AGTPBP1: variants seen among roughly 807,000 people sequenced by gnomAD.
AGTPBP1 encodes the protein ATP/GTP binding carboxypeptidase 1.
Under a neutral mutation model 143.9 loss-of-function variants are expected in AGTPBP1, and 70 were observed. That is an observed-to-expected ratio of 0.49 (90% CI 0.40 to 0.59). The LOEUF (loss-of-function observed/expected upper bound fraction) is 0.59. Among genes scored for constraint, AGTPBP1 ranks in the 20% least tolerant of loss-of-function variants. The probability of loss-of-function intolerance (pLI) is 0.00; values close to 1 mark genes in which losing one functional copy is unlikely to be tolerated. For synonymous variants in AGTPBP1, 463 were observed against 500.2 expected (o/e 0.93, Z 0.99); for missense variants, 1,229 against 1,464.5 (o/e 0.84, Z 2.62).
intron 13 of AGTPBP1, 116 bp from the exon 14 acceptor site, chr9:85,633,490 A>G (rs1587787315): frequency 2.8e-6 from 2 of 724,084 alleles, no homozygotes; most frequent in East Asian, 6.3e-5. Context: ...TTAAAGATGG[A>G]TAAAACCGGA....
intron 17 of AGTPBP1, among the ~76,000 whole-genome samples, chr9:85,613,641 T>A (rs1830446184): frequency 6.6e-6 from 1 of 152,018 alleles, no homozygotes; most frequent in Admixed American, 6.6e-5. Flanking sequence ...AATTAAAGGG[T>A]ACAGAATCAG....
chr9:85,665,296 C>T (rs1405737822), intron 8 of AGTPBP1, among the ~76,000 whole-genome samples: 2 of 152,040 alleles, frequency 1.3e-5, no homozygotes, highest in Non-Finnish European at 2.9e-5. Context: ...AGGCAAAAAC[C>T]GAAATGCTAT....
At chr9:85,551,681 A>G (rs1826046282) in intron 25 of AGTPBP1, among the ~76,000 whole-genome samples, 1 of 152,210 alleles carries the variant, frequency 6.6e-6, no homozygotes, top group Non-Finnish European at 1.5e-5. Context: ...CACAAGACCA[A>G]TCACAGCAAT....
At chr9:85,796,420 T>C in the AGTPBP1 span, among the ~76,000 whole-genome samples, 11 of 152,196 alleles carry the variant, frequency 7.2e-5, no homozygotes, top group Non-Finnish European at 1.5e-4. Flanking sequence ...GTGAGATTTC[T>C]AATTGCTTCT....
At chr9:85,800,374 A>T in the AGTPBP1 span, among the ~76,000 whole-genome samples, 1 of 152,174 alleles carries the variant, frequency 6.6e-6, no homozygotes, top group South Asian at 2.1e-4. Flanking sequence ...GGGTGCTGTG[A>T]CATGGATAGG....
rs1156931410 is a variant in AGTPBP1, at chr9:85,689,898, C to CAAAAA, written c.157+2786_157+2790dup. 1.1e-3 allele frequency among the ~76,000 whole-genome samples: 30 copies of CAAAAA among 28,346 alleles called. 1 individual carries two copies. Among genetic ancestry groups the CAAAAA allele is most frequent in the Non-Finnish European group, 1.5e-3 (26 of 16,988 alleles). The allele number at this position is 28,346 out of a possible 152,430, so 18.6% of individuals were successfully genotyped here. Reference sequence around the variant, plus strand: ...CAACAGAGTGAGAGAGACTCTGCCTCAAAAAAAAAAAAAAAAAAAAAAAAA... The same window carrying CAAAAA: ...CAACAGAGTGAGAGAGACTCTGCCTCAAAAAAAAAAAAAAAAAAAAAAAAAAAAAA... On this transcript the variant is annotated intron_variant, in intron 3 of 25. Transcript: ENST00000357081.
intron 24 of AGTPBP1, among the ~76,000 whole-genome samples, chr9:85,576,947 GTATT>G (rs1471400187): frequency 2.0e-5 from 3 of 151,710 alleles, no homozygotes; most frequent in African/African-American, 7.3e-5. Flanking sequence ...AGAAAAATGA[GTATT>G]TATTAGGTAT....
At chr9:85,773,287 G>A in the AGTPBP1 span, among the ~76,000 whole-genome samples, 704 of 56,664 alleles carry the variant, frequency 0.012, 10 homozygotes, top group African/African-American at 0.048. Flanking sequence ...AAAAAAAAAA[G>A]AAAGTGTCAT....
the AGTPBP1 span, among the ~76,000 whole-genome samples, chr9:85,798,366 T>C: frequency 6.6e-6 from 1 of 151,328 alleles, no homozygotes; most frequent in East Asian, 1.9e-4. Context: ...CAAGTTCTTT[T>C]TTTTTTTTTT....
intron 14 of AGTPBP1, among the ~76,000 whole-genome samples, chr9:85,624,154 G>A (rs1831125509): frequency 6.6e-6 from 1 of 152,050 alleles, no homozygotes; most frequent in Admixed American, 6.6e-5. Flanking sequence ...GAACATTATG[G>A]GAAATGTTCA....
intron 19 of AGTPBP1, among the ~76,000 whole-genome samples, chr9:85,590,175 T>C (rs1828865833): frequency 6.6e-6 from 1 of 152,162 alleles, no homozygotes; most frequent in African/African-American, 2.4e-5. Context: ...ACGGGTTTGT[T>C]GTAAAATGTC....
chr9:85,622,323 G>A lies in AGTPBP1; in HGVS notation c.2016-1038C>T, dbSNP rs143650947. ...TAAACACTGACAGTCTTAAACTTCA[G>A]GCAAATCTGAAACTAGTCTCCTGCA... On this transcript the variant is annotated intron_variant, in intron 14 of 25. Coordinates refer to ENST00000357081, the MANE Select transcript of AGTPBP1 (RefSeq NM_001330701.2). Among the ~76,000 whole-genome samples the A allele has an allele frequency of 2.0e-5, 3 of 152,234 alleles. No homozygotes were observed. The East Asian group carries it at 5.8e-4, about 29-fold the overall frequency.
At chr9:85,668,282 A>C (rs1319451887) in intron 8 of AGTPBP1, among the ~76,000 whole-genome samples, 1 of 151,994 alleles carries the variant, frequency 6.6e-6, no homozygotes, top group East Asian at 1.9e-4. Flanking sequence ...AAACCAACTA[A>C]AAAGGGGCTA....
intron 14 of AGTPBP1, among the ~76,000 whole-genome samples, chr9:85,630,758 G>C (rs1255785439): frequency 6.6e-6 from 1 of 151,910 alleles, no homozygotes; most frequent in Non-Finnish European, 1.5e-5. Context: ...GGGATTAGAG[G>C]GGTGAGCTAC....
chr9:85,587,157 G>C (rs187051378), intron 21 of AGTPBP1, among the ~76,000 whole-genome samples, 197 bp from the exon 22 acceptor site: 84 of 152,220 alleles, frequency 5.5e-4, no homozygotes, highest in Non-Finnish European at 1.0e-3. Flanking sequence ...TATTTGCTAT[G>C]TGCAAGATTT....
chr9:85,714,313 G>A (rs1203216669), intron 1 of AGTPBP1, among the ~76,000 whole-genome samples: 1 of 152,224 alleles, frequency 6.6e-6, no homozygotes, highest in African/African-American at 2.4e-5. Flanking sequence ...GCCAGTGTGT[G>A]TTTTGTGCCT....
intron 1 of AGTPBP1, among the ~76,000 whole-genome samples, chr9:85,717,145 CTTGCCGGAA>C (rs1837757603): frequency 6.6e-6 from 1 of 152,180 alleles, no homozygotes; most frequent in South Asian, 2.1e-4. Flanking sequence ...ACCCATTGCC[CTTGCCGGAA>C]TCTACTTTGT....
the AGTPBP1 span, among the ~76,000 whole-genome samples, chr9:85,775,375 G>A: frequency 4.0e-5 from 6 of 151,672 alleles, no homozygotes; most frequent in African/African-American, 1.5e-4. Context: ...TTGTGGCTGG[G>A]TGCAGCGGCT....
chr9:85,752,199 T>C, the AGTPBP1 span, among the ~76,000 whole-genome samples: 1 of 152,104 alleles, frequency 6.6e-6, no homozygotes. Flanking sequence ...GATTATGCTA[T>C]TGCATACAGC....
Sources: gnomAD v4.1 joint callset for allele counts (sites outside exome capture counted in the v4.1 genomes callset) on GRCh38, gnomAD v4.1.1 for gene constraint, MANE v1.5 for transcripts, NCBI Gene and HGNC (gene_info 2026-07-23, HGNC 2026-07-21) for gene names.